The following GPC3 variants were observed in gnomAD, a reference collection of about 807,000 sequenced individuals.
The protein encoded by GPC3 is glypican-3.
GPC3 carries 3 observed loss-of-function variants against 34.4 expected under a neutral mutation model. The ratio of observed to expected loss-of-function variants is 0.09; its 90% CI spans 0.04 to 0.23. The LOEUF (loss-of-function observed/expected upper bound fraction) is 0.23. Among genes scored for constraint, GPC3 ranks in the 10% least tolerant of loss-of-function variants. GPC3 has a pLI of 1.00. For missense variants in GPC3, 351 were observed against 445.6 expected, an observed-to-expected ratio of 0.79 and a Z score of 1.91; for synonymous variants, 177 against 174.0, an observed-to-expected ratio of 1.02 and a Z score of -0.13.
chrX:133,795,126 G>C (rs1263069911), intron 2 of GPC3, among the ~76,000 whole-genome samples: 1 of 112,523 alleles, frequency 8.9e-6, no homozygotes, highest in Admixed American at 9.4e-5. Context: ...CAACTGAAAA[G>C]TATCTGATGT....
intron 2 of GPC3, among the ~76,000 whole-genome samples, chrX:133,840,109 C>T (rs1400291146): frequency 9.0e-6 from 1 of 110,657 alleles, no homozygotes. Flanking sequence ...GGGTGATTTT[C>T]GGCAAGTCAC....
At chrX:133,955,057 T>A (rs1033096592) in intron 1 of GPC3, among the ~76,000 whole-genome samples, 2 of 111,148 alleles carry the variant, frequency 1.8e-5, no homozygotes, top group Non-Finnish European at 3.8e-5. Context: ...CTTTCTCCAA[T>A]TAGCATTTGT....
chrX:133,942,291 A>C (rs1488464339), intron 2 of GPC3, among the ~76,000 whole-genome samples: 1 of 112,294 alleles, frequency 8.9e-6, no homozygotes. Context: ...CCAGGAATTT[A>C]TCCTGAGGAA....
chrX:133,579,657 C>T (rs1426838212), intron 7 of GPC3, among the ~76,000 whole-genome samples: 1 of 111,840 alleles, frequency 8.9e-6, no homozygotes, highest in East Asian at 2.8e-4. Flanking sequence ...GATCCTCTCA[C>T]CTTGACCTCT....
intron 2 of GPC3, among the ~76,000 whole-genome samples, chrX:133,857,268 T>C (rs1209954500): frequency 8.9e-6 from 1 of 112,247 alleles, no homozygotes; most frequent in Admixed American, 9.5e-5. Context: ...TCAACTTAAA[T>C]TGATTATTAA....
At chrX:133,638,214 C>T (rs1392719411) in intron 6 of GPC3, among the ~76,000 whole-genome samples, 1 of 111,661 alleles carries the variant, frequency 9.0e-6, no homozygotes, top group Non-Finnish European at 1.9e-5. Context: ...TGAGGTGTTA[C>T]TTTCAAAATG....
chrX:133,914,067 C>T (rs1255387108), intron 2 of GPC3, among the ~76,000 whole-genome samples: 1 of 110,859 alleles, frequency 9.0e-6, no homozygotes, highest in Non-Finnish European at 1.9e-5. Context: ...GCTGGTAGGG[C>T]CCACAAAGCT....
chrX:133,905,095 C>A (rs1290793290), intron 2 of GPC3, among the ~76,000 whole-genome samples: 1 of 111,963 alleles, frequency 8.9e-6, no homozygotes, highest in Non-Finnish European at 1.9e-5. Context: ...ACTGTCAGTA[C>A]TTATTCTTAA....
chrX:133,889,258 C>A (rs1179882278), intron 2 of GPC3, among the ~76,000 whole-genome samples: 1 of 112,003 alleles, frequency 8.9e-6, no homozygotes, highest in Non-Finnish European at 1.9e-5. Flanking sequence ...ATTAATTTTT[C>A]AGTAAAAGCC....
At chrX:133,854,353 A>G (rs1163585890) in intron 2 of GPC3, among the ~76,000 whole-genome samples, 2 of 111,958 alleles carry the variant, frequency 1.8e-5, no homozygotes, top group East Asian at 5.6e-4. Context: ...GCAACTTAAC[A>G]TTGACCCTCA....
At chrX:133,613,272 G>A (rs1434281998) in intron 6 of GPC3, among the ~76,000 whole-genome samples, 1 of 111,773 alleles carries the variant, frequency 8.9e-6, no homozygotes, top group Non-Finnish European at 1.9e-5. Flanking sequence ...TTCACAAAAA[G>A]AATTTAATAA....
chrX:133,824,071 A>G (rs1324449489), intron 2 of GPC3, among the ~76,000 whole-genome samples: 5 of 109,610 alleles, frequency 4.6e-5, no homozygotes, highest in Non-Finnish European at 7.6e-5. Context: ...AAAAAAAAAT[A>G]CAAAGAGATA....
At chrX:133,587,371 T>C (rs1172790619) in intron 7 of GPC3, among the ~76,000 whole-genome samples, 2 of 112,116 alleles carry the variant, frequency 1.8e-5, no homozygotes, top group Non-Finnish European at 3.8e-5. Context: ...GTTGAGTCCA[T>C]ATTTTGGCCA....
intron 2 of GPC3, among the ~76,000 whole-genome samples, chrX:133,786,012 C>T (rs921256883): frequency 1.3e-4 from 15 of 112,096 alleles, no homozygotes; most frequent in African/African-American, 4.2e-4. Context: ...TACAACTAAT[C>T]ACCGGGGACA....
intron 2 of GPC3, among the ~76,000 whole-genome samples, chrX:133,817,587 T>C (rs1610690): frequency 0.015 from 1,623 of 110,345 alleles, 49 homozygotes; most frequent in African/African-American, 0.047. Flanking sequence ...TCTACAAGAT[T>C]TGTTCCCAAG....
At chrX:133,608,023 G>T (rs1486117261) in intron 6 of GPC3, among the ~76,000 whole-genome samples, 2 of 112,413 alleles carry the variant, frequency 1.8e-5, no homozygotes, top group Admixed American at 9.4e-5. Flanking sequence ...CCTCCTTGAG[G>T]GTCTCCAGCC....
chrX:133,655,372 TAA>T (rs1386766449), intron 6 of GPC3, among the ~76,000 whole-genome samples: 1 of 110,643 alleles, frequency 9.0e-6, no homozygotes, highest in Non-Finnish European at 1.9e-5. Context: ...CCACAGAGTC[TAA>T]GTCTGGTATT....
intron 2 of GPC3, among the ~76,000 whole-genome samples, chrX:133,774,494 C>T (rs899829019): frequency 1.8e-5 from 2 of 110,708 alleles, no homozygotes; most frequent in African/African-American, 3.3e-5. Flanking sequence ...ATCCAAAGCT[C>T]GCTTAGTGAC....
At chrX:133,922,995 G>A (rs1436068852) in intron 2 of GPC3, among the ~76,000 whole-genome samples, 1 of 110,901 alleles carries the variant, frequency 9.0e-6, no homozygotes, top group African/African-American at 3.3e-5. Flanking sequence ...CTTGCCCAAG[G>A]TCACATAGAG....
Sources: allele counts gnomAD v4.1 joint callset (sites outside exome capture counted in the v4.1 genomes callset), GRCh38; gene constraint gnomAD v4.1.1; transcripts MANE v1.5; gene names NCBI Gene and HGNC (gene_info 2026-07-23, HGNC 2026-07-21).